The following LRP1B variants were observed in gnomAD, a reference collection of about 807,000 sequenced individuals.
The protein encoded by LRP1B is LDL receptor related protein 1B.
Under a neutral mutation model 556.6 loss-of-function variants are expected in LRP1B, and 217 were observed. That is an observed-to-expected ratio of 0.39 (90% confidence interval 0.35 to 0.44). The LOEUF (loss-of-function observed/expected upper bound fraction) is 0.44, where lower values mean the gene tolerates loss of function less well. Ranked by LOEUF, LRP1B falls within the 20% of genes least tolerant of loss-of-function variation. LRP1B has a pLI of 1.00. For missense variants in LRP1B, 5,053 were observed against 5,620.8 expected (o/e 0.90, Z 3.23); for synonymous variants, 2,047 against 1,865.8 (o/e 1.10, Z -2.50).
At chr2:140,691,018 A>G (rs775875585) in intron 41 of LRP1B, among the ~76,000 whole-genome samples, 5 of 152,188 alleles carry the variant, frequency 3.3e-5, no homozygotes, top group Non-Finnish European at 7.3e-5. Context: ...CTATGATCAA[A>G]TTAAAACTAT....
intron 45 of LRP1B, among the ~76,000 whole-genome samples, chr2:140,538,407 C>T: frequency 6.6e-6 from 1 of 152,142 alleles, no homozygotes; most frequent in Middle Eastern, 3.4e-3. Flanking sequence ...TCCAGGTGTC[C>T]ATGGTTGCCA....
At chr2:141,517,013 A>AC (rs1181041223) in intron 2 of LRP1B, among the ~76,000 whole-genome samples, 2 of 120,098 alleles carry the variant, frequency 1.7e-5, no homozygotes, top group Non-Finnish European at 3.5e-5. Context: ...TTAAAAAAAA[A>AC]AAAAAAAAAA....
At chr2:141,070,303 C>A (rs1699602219) in intron 7 of LRP1B, among the ~76,000 whole-genome samples, 3 of 149,486 alleles carry the variant, frequency 2.0e-5, no homozygotes, top group East Asian at 2.0e-4. Context: ...TCTTTGAAAC[C>A]AACGAGAACA....
chr2:141,132,900 A>C (rs1701394348), intron 7 of LRP1B, among the ~76,000 whole-genome samples: 1 of 152,068 alleles, frequency 6.6e-6, no homozygotes, highest in Non-Finnish European at 1.5e-5. Context: ...TAAATGTACT[A>C]TTCAAATATA....
At chr2:141,503,031 A>G (rs1683783363) in intron 2 of LRP1B, among the ~76,000 whole-genome samples, 1 of 150,454 alleles carries the variant, frequency 6.6e-6, no homozygotes, top group Non-Finnish European at 1.5e-5. Flanking sequence ...TGACCACACC[A>G]ATGATTTGCT....
At chr2:141,907,916 A>G (rs543320595) in intron 1 of LRP1B, among the ~76,000 whole-genome samples, 12 of 152,012 alleles carry the variant, frequency 7.9e-5, no homozygotes, top group African/African-American at 2.2e-4. Context: ...CCTGACCCCT[A>G]TTTAAAACTC....
chr2:141,183,274 A>G (rs540322311), intron 7 of LRP1B, among the ~76,000 whole-genome samples: 2 of 152,088 alleles, frequency 1.3e-5, no homozygotes, highest in East Asian at 1.9e-4. Context: ...TACTCCAAAG[A>G]TCTCATTACA....
intron 3 of LRP1B, among the ~76,000 whole-genome samples, chr2:141,313,356 A>T (rs1301425244): frequency 6.6e-6 from 1 of 152,152 alleles, no homozygotes; most frequent in African/African-American, 2.4e-5. Flanking sequence ...AAATTTTGTA[A>T]AAAAAGAAAA....
At chr2:141,864,884 AAAACAAACAAAC>A (rs151234395) in intron 1 of LRP1B, among the ~76,000 whole-genome samples, 4 of 151,218 alleles carry the variant, frequency 2.6e-5, no homozygotes, top group Admixed American at 1.3e-4. Context: ...TCTGTCTCAA[AAAACAAACAAAC>A]AAACAAACAA....
intron 21 of LRP1B, among the ~76,000 whole-genome samples, chr2:140,922,648 C>T (rs1212224499): frequency 1.3e-5 from 2 of 151,776 alleles, no homozygotes; most frequent in Admixed American, 1.3e-4. Flanking sequence ...TTAAAAATCC[C>T]AAATCTCAGA....
intron 3 of LRP1B, among the ~76,000 whole-genome samples, chr2:141,398,398 T>C (rs1690323995): frequency 6.6e-6 from 1 of 152,152 alleles, no homozygotes; most frequent in African/African-American, 2.4e-5. Context: ...AACCTAAAAA[T>C]ATATGGAAAT....
At chr2:141,130,172 A>G (rs1701314250) in intron 7 of LRP1B, among the ~76,000 whole-genome samples, 1 of 150,520 alleles carries the variant, frequency 6.6e-6, no homozygotes, top group East Asian at 1.9e-4. Context: ...CAGGGAAAAG[A>G]AAAATTACAA....
chr2:141,463,547 A>AATATAT (rs1682001758), intron 3 of LRP1B, among the ~76,000 whole-genome samples: 1 of 30,152 alleles, frequency 3.3e-5, no homozygotes, highest in Non-Finnish European at 8.3e-5. Context: ...TATTATATAT[A>AATATAT]ATTATATATA....
intron 3 of LRP1B, among the ~76,000 whole-genome samples, chr2:141,297,122 T>C (rs958801988): frequency 2.0e-5 from 3 of 152,178 alleles, no homozygotes; most frequent in Non-Finnish European, 4.4e-5. Flanking sequence ...GGCACCTAGG[T>C]TGATTCCATG....
chr2:141,226,132 A>C (rs1558945505), intron 6 of LRP1B, among the ~76,000 whole-genome samples: 2 of 151,468 alleles, frequency 1.3e-5, no homozygotes, highest in African/African-American at 4.8e-5. Context: ...CCCAAAAAAA[A>C]CCAAAAGAAT....
At position 141,021,065 on chromosome 2, in the gene LRP1B, G is replaced by A. The variant is rs185439163; in HGVS notation, c.1790-963C>T. Among the ~76,000 whole-genome samples the A allele has an allele frequency of 7.9e-5, 12 of 152,012 alleles. No individual in the cohort carries two copies. The East Asian group carries it at 2.3e-3, about 29-fold the overall frequency. Reference sequence around the variant, plus strand: ...ACTCCTTCTTTTCTCTCAAAACCAAGGTAGAGTACATAGACTTCCTCTTTT... The same window carrying A: ...ACTCCTTCTTTTCTCTCAAAACCAAAGTAGAGTACATAGACTTCCTCTTTT... On this transcript the variant is annotated intron_variant, in intron 11 of 90. Transcript: ENST00000389484.
chr2:141,266,419 G>T (rs1684892266), intron 3 of LRP1B, among the ~76,000 whole-genome samples: 1 of 150,192 alleles, frequency 6.7e-6, no homozygotes, highest in Admixed American at 6.7e-5. Context: ...TTACTTTTAT[G>T]ATTTTCATGC....
intron 1 of LRP1B, among the ~76,000 whole-genome samples, chr2:142,112,378 G>A (rs1707031925): frequency 6.6e-6 from 1 of 151,658 alleles, no homozygotes; most frequent in South Asian, 2.1e-4. Flanking sequence ...TTAAGAAAAA[G>A]AACAACCAAA....
chr2:140,250,364 T>C (rs752158005), intron 86 of LRP1B, among the ~76,000 whole-genome samples: 6 of 151,722 alleles, frequency 4.0e-5, no homozygotes, highest in Admixed American at 6.6e-5. Flanking sequence ...GATAGACAGA[T>C]AGACAGGTAG....
Sources: allele counts gnomAD v4.1 joint callset (sites outside exome capture counted in the v4.1 genomes callset), GRCh38; gene constraint gnomAD v4.1.1; transcripts MANE v1.5; gene names NCBI Gene and HGNC (gene_info 2026-07-23, HGNC 2026-07-21).